Variants in PPP2R5C observed in about 807,000 individuals in gnomAD.
The protein encoded by PPP2R5C is serine/threonine-protein phosphatase 2A 56 kDa regulatory subunit gamma isoform.
In PPP2R5C, 7 loss-of-function variants were observed where a neutral mutation model predicts 68.9. The ratio of observed to expected loss-of-function variants is 0.10; its 90% CI spans 0.06 to 0.19. PPP2R5C has a LOEUF of 0.19. PPP2R5C is among the 10% of genes least tolerant of loss of function. The pLI is 1.00. For missense variants in PPP2R5C, 348 were observed against 641.3 expected (o/e 0.54, Z 4.94); for synonymous variants, 210 against 222.2 (o/e 0.95, Z 0.49).
At chr14:101,779,958 A>T (rs2037596122) in intron 2 of PPP2R5C, among the ~76,000 whole-genome samples, 2 of 152,146 alleles carry the variant, frequency 1.3e-5, no homozygotes, top group African/African-American at 4.8e-5. Flanking sequence ...TAGTCGAGGG[A>T]ATCATATAGG....
At chr14:101,829,162 T>A (rs1018834038) in intron 1 of PPP2R5C, among the ~76,000 whole-genome samples, 2 of 152,108 alleles carry the variant, frequency 1.3e-5, no homozygotes, top group Non-Finnish European at 2.9e-5. Flanking sequence ...TTAGTGGGGT[T>A]CTCTCTGTGG....
At chr14:101,761,463 G>A (rs560317283), upstream of PPP2R5C, among the ~76,000 whole-genome samples, 372 of 150,378 alleles carry the variant, frequency 2.5e-3, 8 homozygotes, top group Admixed American at 0.022. Flanking sequence ...ACTCGGGACG[G>A]AGGGCGGGGG....
intron 2 of PPP2R5C, among the ~76,000 whole-genome samples, chr14:101,785,256 A>G (rs909420367): frequency 1.3e-5 from 2 of 152,162 alleles, no homozygotes; most frequent in Admixed American, 6.5e-5. Flanking sequence ...TGAGATACTC[A>G]GCCGTATTCA....
At chr14:101,894,714 G>A (rs2045188987) in intron 8 of PPP2R5C, among the ~76,000 whole-genome samples, 154 bp downstream of exon 10, 1 of 152,136 alleles carries the variant, frequency 6.6e-6, no homozygotes, top group Non-Finnish European at 1.5e-5. Flanking sequence ...TGGGTTATAG[G>A]TTTTCAAAGT....
intron 1 of PPP2R5C, among the ~76,000 whole-genome samples, chr14:101,832,409 A>G (rs893423937): frequency 4.6e-5 from 7 of 152,180 alleles, no homozygotes; most frequent in Non-Finnish European, 1.0e-4. Flanking sequence ...TTGGGTTATT[A>G]TTGCTTAGGA....
upstream of PPP2R5C, among the ~76,000 whole-genome samples, chr14:101,805,674 G>C (rs115365014): frequency 2.7e-3 from 416 of 152,332 alleles, 1 homozygote; most frequent in African/African-American, 9.5e-3. Context: ...AAACAGGGAA[G>C]AGTGAATAAA....
In PPP2R5C at chr14:101,780,459, G is replaced by A. The variant is rs567399106; in HGVS notation, c.94-5559G>A. Among the ~76,000 whole-genome samples the A allele has an allele frequency of 2.6e-5, 4 of 152,284 alleles. No homozygotes were observed. The East Asian group carries it at 5.8e-4, about 22-fold the overall frequency. On this transcript the variant is annotated intron_variant, in intron 2 of 14. Coordinates refer to the PPP2R5C transcript ENST00000328724. The stretch of plus-strand genomic sequence containing the variant: ...GGGACATTTGGCAATGTTTGGAGAC[G>A]CTCTTAGTTGTCGCCGCTTGGGGGG...
chr14:101,837,119 A>G (rs1317336694), intron 1 of PPP2R5C, among the ~76,000 whole-genome samples: 3 of 152,096 alleles, frequency 2.0e-5, no homozygotes, highest in African/African-American at 7.2e-5. Context: ...TGCTCATTTT[A>G]TAAGTTTTTT....
At chr14:101,819,052 C>T (rs2140252376) in intron 1 of PPP2R5C, 1 of 1,551,468 alleles carries the variant, frequency 6.4e-7, no homozygotes, top group East Asian at 2.4e-5. Flanking sequence ...TCCTGAGTTG[C>T]TGGTTCTTAT....
chr14:101,807,351 T>C (rs368612902), upstream of PPP2R5C, among the ~76,000 whole-genome samples: 1 of 152,212 alleles, frequency 6.6e-6, no homozygotes. Context: ...ATCTGCCTTT[T>C]TTGCCCCATC....
At chr14:101,836,578 TG>T (rs1197493524) in intron 1 of PPP2R5C, 2 of 535,374 alleles carry the variant, frequency 3.7e-6, no homozygotes, top group African/African-American at 3.8e-5. Context: ...TTTAAATGCC[TG>T]GGGTGTTGCA....
chr14:101,880,251 C>G (rs2044071855), intron 2 of PPP2R5C, among the ~76,000 whole-genome samples: 1 of 152,224 alleles, frequency 6.6e-6, no homozygotes. Context: ...AGGAACATTA[C>G]TCATACTTTT....
intron 3 of PPP2R5C, among the ~76,000 whole-genome samples, chr14:101,787,919 T>A (rs1241120140): frequency 6.6e-6 from 1 of 152,246 alleles, no homozygotes; most frequent in Non-Finnish European, 1.5e-5. Flanking sequence ...TATACCTTTC[T>A]CATGCTATTC....
chr14:101,840,142 C>T (rs1324100624), intron 1 of PPP2R5C, among the ~76,000 whole-genome samples: 1 of 151,992 alleles, frequency 6.6e-6, no homozygotes, highest in Non-Finnish European at 1.5e-5. Context: ...TTGTAGTGCC[C>T]ACCTTGTACC....
At chr14:101,874,615 ATTTAT>A (rs1380350761) in intron 2 of PPP2R5C, among the ~76,000 whole-genome samples, 2 of 152,246 alleles carry the variant, frequency 1.3e-5, no homozygotes, top group Non-Finnish European at 2.9e-5. Flanking sequence ...ACTGTAAATG[ATTTAT>A]TTTCATGCTT....
intron 2 of PPP2R5C, among the ~76,000 whole-genome samples, chr14:101,769,425 T>G (rs2037036582): frequency 6.6e-6 from 1 of 152,196 alleles, no homozygotes; most frequent in Non-Finnish European, 1.5e-5. Flanking sequence ...TTGGTGGGTT[T>G]TAAAAGTACT....
At position 101,781,299 on chromosome 14, in the gene PPP2R5C, A is replaced by AC. The variant is rs1406320927; in HGVS notation, c.94-4715dup. 1.3e-5 allele frequency among the ~76,000 whole-genome samples: 2 copies of AC among 151,656 alleles called. No homozygotes were observed. The highest frequency in any genetic ancestry group is 6.6e-5 in the Admixed American group (1 of 15,258). ...GGGACCCTGGCTTCTGTCCTCAGGG[A>AC]CCCCTTCAGACCTTCCCCACCCTCC... On this transcript the variant is annotated intron_variant, in intron 2 of 14. Transcript: ENST00000328724. This position sits in a 1 kb window ranked among gnomAD's most constrained non-coding sequence, Gnocchi z 6.4.
intron 7 of PPP2R5C, among the ~76,000 whole-genome samples, chr14:101,894,268 G>A (rs1057126581): frequency 6.6e-6 from 1 of 152,156 alleles, no homozygotes; most frequent in South Asian, 2.1e-4. Flanking sequence ...GATTGACTTA[G>A]CGGTGGTTAG....
chr14:101,845,197 G>A (rs1488800162), intron 1 of PPP2R5C, among the ~76,000 whole-genome samples: 3 of 151,730 alleles, frequency 2.0e-5, no homozygotes, highest in African/African-American at 7.3e-5. Context: ...TCCTCTTGTT[G>A]CCTGCAGCCG....
Sources: gnomAD v4.1 joint callset for allele counts (sites outside exome capture counted in the v4.1 genomes callset) on GRCh38, gnomAD v4.1.1 for gene constraint, Gnocchi (gnomAD v3.1) non-coding constraint, MANE v1.5 for transcripts, NCBI Gene and HGNC (gene_info 2026-07-23, HGNC 2026-07-21) for gene names.